Variants in CPEB1 observed in about 807,000 individuals in gnomAD.
The protein encoded by CPEB1 is cytoplasmic polyadenylation element binding protein 1.
A neutral mutation model predicts 65.8 loss-of-function variants in CPEB1; 7 were observed. The observed-to-expected ratio is 0.11, with a 90% CI of 0.06 to 0.20. The LOEUF (loss-of-function observed/expected upper bound fraction) is 0.20. Ranked by LOEUF, CPEB1 falls within the 10% of genes least tolerant of loss-of-function variation. The pLI is 1.00. For synonymous variants in CPEB1, 262 were observed against 260.0 expected (o/e 1.01, Z -0.08); for missense variants, 551 against 712.2 (o/e 0.77, Z 2.58).
intron 3 of CPEB1, among the ~76,000 whole-genome samples, chr15:82,617,179 C>G (rs2044795240): frequency 6.6e-6 from 1 of 152,206 alleles, no homozygotes; most frequent in Admixed American, 6.5e-5. Context: ...ACTCTTTTGT[C>G]TGGCTTCTTT....
rs184985462 is a variant in CPEB1, at chr15:82,546,042, T to C, written c.1656+399A>G. Among the ~76,000 whole-genome samples the C allele has an allele frequency of 4.2e-3, 646 of 152,318 alleles. 1 individual carries two copies. The highest frequency in any genetic ancestry group is 7.0e-3 in the Non-Finnish European group (477 of 68,034). Reference sequence around the variant, plus strand: ...TCTGACCTTCAGCAAACATTACTGCTGCCTCCTCTATGCTCTCAGACACCA... The same window carrying C: ...TCTGACCTTCAGCAAACATTACTGCCGCCTCCTCTATGCTCTCAGACACCA... On this transcript the variant is annotated intron_variant, in intron 12 of 12. Transcript: ENST00000684509.
intron 3 of CPEB1, among the ~76,000 whole-genome samples, chr15:82,587,622 T>C (rs2041905242): frequency 6.6e-6 from 1 of 152,176 alleles, no homozygotes; most frequent in African/African-American, 2.4e-5. Flanking sequence ...GTATGAATCT[T>C]TACTGAAATT....
At chr15:82,623,247 C>G (rs949600960) in intron 3 of CPEB1, among the ~76,000 whole-genome samples, 4 of 152,238 alleles carry the variant, frequency 2.6e-5, no homozygotes, top group Non-Finnish European at 5.9e-5. Flanking sequence ...CCTATCACAG[C>G]ACTTTTCCAA....
chr15:82,548,769 T>C (rs939207656), intron 10 of CPEB1: 15 of 454,082 alleles, frequency 3.3e-5, no homozygotes, highest in Non-Finnish European at 5.3e-5. Context: ...CTGCACAGTA[T>C]TGGTGAGTAC....
In CPEB1 at chr15:82,556,075, C is replaced by G; in HGVS notation, c.735G>C (p.Gly245=). The part of the protein sequence containing the change: ...SPPLPFLSLS[G]GGPRDPLKMG... The stretch of plus-strand genomic sequence containing the variant: ...TCTTTAAAGGGTCTCTGGGACCACC[C>G]CCTGACAGAGACAGGAAGGGCAGAG... The change falls in exon 6 of 13, where the codon GGG becomes GGC. Residue 245 remains glycine (G), a synonymous_variant. Coordinates refer to ENST00000684509, the MANE Select transcript of CPEB1 (RefSeq NM_001365242.1). 1.9e-6 allele frequency: 3 copies of G among 1,610,288 alleles called. No homozygotes were observed. The South Asian group carries it at 3.3e-5, about 18-fold the overall frequency.
At chr15:82,606,002 T>TA (rs747540053) in intron 3 of CPEB1, among the ~76,000 whole-genome samples, 2 of 151,992 alleles carry the variant, frequency 1.3e-5, no homozygotes, top group Non-Finnish European at 2.9e-5. Flanking sequence ...CGCGCCATTG[T>TA]ACTCCAGCCT....
intron 3 of CPEB1, among the ~76,000 whole-genome samples, chr15:82,588,825 C>G (rs2042003574): frequency 6.6e-6 from 1 of 152,194 alleles, no homozygotes; most frequent in Non-Finnish European, 1.5e-5. Context: ...ATGAACCTGA[C>G]AGGTAAACAA....
At chr15:82,634,986 T>G (rs2046543717) in intron 1 of CPEB1, among the ~76,000 whole-genome samples, 1 of 152,180 alleles carries the variant, frequency 6.6e-6, no homozygotes, top group Non-Finnish European at 1.5e-5. Flanking sequence ...CCTGAGTAGC[T>G]GGGACTACAG....
At chr15:82,582,808 C>G (rs1423181133) in intron 3 of CPEB1, among the ~76,000 whole-genome samples, 3 of 134,402 alleles carry the variant, frequency 2.2e-5, no homozygotes, top group African/African-American at 8.6e-5. Flanking sequence ...GTGGCGTGAT[C>G]TGGACTCACC....
rs2040009177 is a variant in CPEB1, at chr15:82,571,429, G to A, written c.375C>T (p.Gly125=). Residue 125 remains glycine, a synonymous_variant, in exon 4 of 13, where the codon GGC becomes GGT. Transcript: ENST00000684509. Reference sequence around the variant, plus strand: ...AGCCTGTCAGACTGAGGGACTGCAGGCCAAGGCACAAGTCATTTGCATCTG... The same window carrying A: ...AGCCTGTCAGACTGAGGGACTGCAGACCAAGGCACAAGTCATTTGCATCTG... ...GLPDANDLCL[G]LQSLSLTGWD... is the part of the protein sequence containing the mutation. The A allele has an allele frequency of 1.2e-6, 2 of 1,614,022 alleles. No homozygotes were observed. Among genetic ancestry groups the A allele is most frequent in the South Asian group, 1.1e-5 (1 of 91,084 alleles).
chr15:82,546,272 G>T (rs1254901598), intron 12 of CPEB1, among the ~76,000 whole-genome samples, 169 bp downstream of exon 12: 2 of 152,144 alleles, frequency 1.3e-5, no homozygotes, highest in African/African-American at 4.8e-5. Flanking sequence ...ACCACGCCAG[G>T]CTAATTGTTG....
At chr15:82,638,014 A>G (rs1046543407) in intron 1 of CPEB1, 1 of 453,048 alleles carries the variant, frequency 2.2e-6, no homozygotes, top group Admixed American at 2.4e-5. Flanking sequence ...AGATCTCTTT[A>G]GTATCTGGTT....
intron 10 of CPEB1, among the ~76,000 whole-genome samples, 153 bp from the exon 11 acceptor site, chr15:82,547,390 G>C (rs368755551): frequency 7.0e-6 from 1 of 143,586 alleles, no homozygotes. Context: ...TCTGCCTCCC[G>C]GTTTCACGCC....
intron 3 of CPEB1, among the ~76,000 whole-genome samples, chr15:82,581,570 T>C (rs2041284781): frequency 6.6e-6 from 1 of 152,210 alleles, no homozygotes; most frequent in Admixed American, 6.5e-5. Flanking sequence ...CCACCAGCAA[T>C]GCACAAATGT....
chr15:82,608,672 C>T (rs1316108338), intron 3 of CPEB1, among the ~76,000 whole-genome samples: 1 of 152,182 alleles, frequency 6.6e-6, no homozygotes, highest in Non-Finnish European at 1.5e-5. Context: ...TTTATTGTGA[C>T]AATTTTTTGC....
In CPEB1 at chr15:82,552,626, A is replaced by G. The variant is rs146279231; in HGVS notation, c.1145-10T>C. On this transcript the variant is annotated splice_polypyrimidine_tract_variant and intron_variant, in intron 8 of 12. Coordinates refer to ENST00000684509, the MANE Select transcript of CPEB1 (RefSeq NM_001365242.1). Reference sequence around the variant, plus strand: ...ACCAGATACACATACCCTATTCCCAATGAGAGGAAAAATCGCATTAATATC... The same window carrying G: ...ACCAGATACACATACCCTATTCCCAGTGAGAGGAAAAATCGCATTAATATC... 162 of 1,613,834 alleles carry G rather than the reference A, an allele frequency of 1.0e-4. No homozygotes were observed. In the African/African-American group the frequency reaches 1.9e-3, roughly 19 times the overall value.
At chr15:82,573,048 C>T (rs2040247614) in intron 3 of CPEB1, 4 of 1,535,080 alleles carry the variant, frequency 2.6e-6, no homozygotes, top group Middle Eastern at 1.7e-4. Context: ...CCTGCTTGTT[C>T]TCCCCTGTTG....
intron 3 of CPEB1, among the ~76,000 whole-genome samples, chr15:82,624,212 A>G (rs1229105925): frequency 3.3e-5 from 5 of 152,168 alleles, no homozygotes; most frequent in East Asian, 1.9e-4. Flanking sequence ...CACAGCCCTG[A>G]GCTGAATCAC....
intron 3 of CPEB1, among the ~76,000 whole-genome samples, chr15:82,604,287 T>A (rs1220033164): frequency 2.0e-5 from 3 of 152,056 alleles, no homozygotes; most frequent in South Asian, 2.1e-4. Context: ...ATTGAGAGCA[T>A]CCTGGCTAAC....
Sources: gnomAD v4.1 joint callset for allele counts (sites outside exome capture counted in the v4.1 genomes callset) on GRCh38, gnomAD v4.1.1 for gene constraint, MANE v1.5 for transcripts, NCBI Gene and HGNC (gene_info 2026-07-23, HGNC 2026-07-21) for gene names.